IGF2BP1: variants seen among roughly 807,000 people sequenced by gnomAD.
IGF2BP1 encodes insulin like growth factor 2 mRNA binding protein 1.
IGF2BP1 carries 11 observed loss-of-function variants against 74.9 expected under a neutral mutation model. That is an observed-to-expected ratio of 0.15 (90% CI 0.09 to 0.24). The LOEUF (loss-of-function observed/expected upper bound fraction) is 0.24. Ranked by LOEUF, IGF2BP1 falls within the 10% of genes least tolerant of loss-of-function variation. The pLI is 1.00. For missense variants in IGF2BP1, 440 were observed against 757.4 expected (o/e 0.58, Z 4.92); for synonymous variants, 287 against 281.8 (o/e 1.02, Z -0.18).
At chr17:49,009,445 C>T (rs1001330770) in intron 2 of IGF2BP1, among the ~76,000 whole-genome samples, 1 of 152,094 alleles carries the variant, frequency 6.6e-6, no homozygotes, top group Non-Finnish European at 1.5e-5. Context: ...CGCAGTGGCT[C>T]ATGCCTGTAA....
chr17:49,030,431 T>A (rs1567820839), intron 4 of IGF2BP1, among the ~76,000 whole-genome samples: 2 of 151,876 alleles, frequency 1.3e-5, no homozygotes, highest in Non-Finnish European at 2.9e-5. Flanking sequence ...CGTGAGCCAC[T>A]GTGCCCGGCC....
Position 49,052,408 on chromosome 17 carries a change from C to CT in IGF2BP1, c.*2966dup, listed in dbSNP as rs766021643. The CT allele has an allele frequency of 1.3e-5, 2 of 152,172 alleles. No individual in the cohort carries two copies. Among genetic ancestry groups the CT allele is most frequent in the African/African-American group, 2.4e-5 (1 of 41,422 alleles). 9.4% of individuals were successfully genotyped at this position (152,172 alleles called of 1,614,324 possible). On this transcript the variant is annotated 3_prime_UTR_variant, in exon 15 of 15. Transcript: ENST00000290341. ...TGTGATTGTTGCAGTGTTCAGTTTC[C>CT]TTGGGGGCCTGCTCCCTTCACACCT... is the stretch of plus-strand genomic sequence containing the variant.
intron 1 of IGF2BP1, among the ~76,000 whole-genome samples, chr17:48,998,199 C>T (rs974044015): frequency 5.3e-5 from 8 of 152,130 alleles, no homozygotes; most frequent in African/African-American, 1.9e-4. Flanking sequence ...GGGGCGGGAG[C>T]CCCCACTGGC....
chr17:49,038,480 G>C (rs1443168791), intron 6 of IGF2BP1, 31 bp downstream of exon 6: 11 of 1,442,634 alleles, frequency 7.6e-6, no homozygotes, highest in Non-Finnish European at 1.0e-5. Context: ...AATGGAGGTT[G>C]GGTGCTAGGG....
chr17:49,012,005 G>A (rs1410553685), intron 2 of IGF2BP1, among the ~76,000 whole-genome samples: 1 of 148,522 alleles, frequency 6.7e-6, no homozygotes, highest in South Asian at 2.1e-4. Flanking sequence ...TCCGCCTCCT[G>A]GGTTCAAGTG....
At position 49,054,395 on chromosome 17, in the gene IGF2BP1, A is replaced by G. The variant is rs1005750330; in HGVS notation, c.*4951A>G. The G allele has an allele frequency of 3.3e-5, 5 of 152,708 alleles. No homozygotes were observed. Among genetic ancestry groups the G allele is most frequent in the Non-Finnish European group, 5.9e-5 (4 of 68,052 alleles). 9.5% of individuals were successfully genotyped at this position (152,708 alleles called of 1,614,324 possible). A position where few individuals can be genotyped will look rare whatever the true frequency, so the allele number is the denominator to read the frequency against. On this transcript the variant is annotated 3_prime_UTR_variant, in exon 15 of 15. Transcript: ENST00000290341. ...CCTCAATCCTTACAGTAAGATTGGA[A>G]CTAAGGGCAGGGACTCATGCATAAG...
chr17:49,019,911 T>TAGATAG (rs1196988472), intron 2 of IGF2BP1, among the ~76,000 whole-genome samples: 1 of 25,168 alleles, frequency 4.0e-5, no homozygotes, highest in African/African-American at 2.8e-4. Flanking sequence ...AATTTATATA[T>TAGATAG]ATATATATAT....
intron 2 of IGF2BP1, among the ~76,000 whole-genome samples, chr17:49,007,793 CT>C: frequency 6.6e-6 from 1 of 152,114 alleles, no homozygotes; most frequent in South Asian, 2.1e-4. Context: ...CTACTTCCTC[CT>C]TAAGGTCTCT....
At chr17:49,033,474 T>C (rs1314322786) in intron 5 of IGF2BP1, among the ~76,000 whole-genome samples, 2 of 152,040 alleles carry the variant, frequency 1.3e-5, no homozygotes, top group African/African-American at 4.8e-5. Flanking sequence ...CCTGAGTAGC[T>C]GGGATTAACA....
chr17:49,028,671 A>AT (rs1357807860), intron 4 of IGF2BP1, among the ~76,000 whole-genome samples: 1 of 152,228 alleles, frequency 6.6e-6, no homozygotes, highest in Non-Finnish European at 1.5e-5. Flanking sequence ...GTCTGGAAGG[A>AT]TATCTGCTAC....
intron 2 of IGF2BP1, among the ~76,000 whole-genome samples, chr17:49,004,437 G>A (rs2041524142): frequency 6.6e-6 from 1 of 152,200 alleles, no homozygotes; most frequent in Admixed American, 6.5e-5. Flanking sequence ...GTAGGTAAAG[G>A]GAAAATAGGA....
In IGF2BP1 at chr17:49,040,014, C is replaced by G. The variant is rs1290955703; in HGVS notation, c.741C>G (p.His247Gln). The change falls in exon 7 of 15, where the codon CAC becomes CAG. Residue 247 changes from histidine (H) to glutamine (Q), a missense_variant. Around this residue, in one of 5 missense-constraint regions of IGF2BP1, gnomAD observed 184 missense variants for 273.4 expected, o/e 0.67. Coordinates refer to ENST00000290341, the MANE Select transcript of IGF2BP1 (RefSeq NM_006546.4). ...CAGCTGAAAAAGCCATCAGTGTGCA[C>G]TCCACCCCTGAGGGCTGCTCCTCCG... ...AGAAEKAISVHSTPEGCSSAC... is the reference protein window; with the variant it reads ...AGAAEKAISVQSTPEGCSSAC... The G allele has an allele frequency of 6.2e-7, 1 of 1,613,734 alleles. No individual in the cohort carries two copies. The highest frequency in any genetic ancestry group is 1.3e-5 in the African/African-American group (1 of 74,988).
upstream of IGF2BP1, among the ~76,000 whole-genome samples, chr17:48,996,786 C>T (rs2041404994): frequency 6.6e-6 from 1 of 152,336 alleles, no homozygotes; most frequent in African/African-American, 2.4e-5. Context: ...CCCAGCTTTC[C>T]AGTCCCGCGC....
At chr17:49,004,155 A>ACATC (rs2041519255) in intron 2 of IGF2BP1, among the ~76,000 whole-genome samples, 1 of 152,152 alleles carries the variant, frequency 6.6e-6, no homozygotes, top group African/African-American at 2.4e-5. Flanking sequence ...CTGACAGAGA[A>ACATC]CATCCGCTGG....
At chr17:49,024,770 C>G (rs889804990) in intron 2 of IGF2BP1, among the ~76,000 whole-genome samples, 1 of 152,214 alleles carries the variant, frequency 6.6e-6, no homozygotes, top group Admixed American at 6.5e-5. Flanking sequence ...TATATTATCT[C>G]ACCTAATAAA....
At chr17:49,019,955 TAC>T (rs61213607) in intron 2 of IGF2BP1, among the ~76,000 whole-genome samples, 1,948 of 78,424 alleles carry the variant, frequency 0.025, 135 homozygotes, top group African/African-American at 0.094. Flanking sequence ...TATATTTATA[TAC>T]ACACACACAC....
At chr17:49,028,888 A>G (rs779168566) in intron 4 of IGF2BP1, among the ~76,000 whole-genome samples, 5 of 151,948 alleles carry the variant, frequency 3.3e-5, no homozygotes, top group Non-Finnish European at 5.9e-5. Context: ...GCTCATTGCA[A>G]CCTCCGCCTC....
intron 4 of IGF2BP1, among the ~76,000 whole-genome samples, chr17:49,030,079 T>C (rs1226686472): frequency 1.3e-5 from 2 of 151,726 alleles, no homozygotes; most frequent in Non-Finnish European, 2.9e-5. Flanking sequence ...CTGGAAAACA[T>C]GCAAATTCTT....
chr17:49,025,704 G>T (rs1273099754), intron 3 of IGF2BP1, 38 bp downstream of exon 3: 1 of 1,586,332 alleles, frequency 6.3e-7, no homozygotes. Flanking sequence ...GAGTGGGATA[G>T]TGGAGCCTGG....
Sources: gnomAD v4.1 joint callset for allele counts (sites outside exome capture counted in the v4.1 genomes callset) on GRCh38, gnomAD v4.1.1 for gene constraint, gnomAD v4.1.1 regional missense constraint, MANE v1.5 for transcripts, NCBI Gene and HGNC (gene_info 2026-07-23, HGNC 2026-07-21) for gene names.